Variants in RNF152 observed in about 807,000 individuals in gnomAD.
The protein encoded by RNF152 is ring finger protein 152, also known as E3 ubiquitin-protein ligase RNF152.
RNF152 carries 11 observed loss-of-function variants against 12.7 expected under a neutral mutation model. The observed-to-expected ratio is 0.86, with a 90% confidence interval of 0.54 to 1.43. The LOEUF (loss-of-function observed/expected upper bound fraction) is 1.43, where lower values mean the gene tolerates loss of function less well. Among genes scored for constraint, RNF152 ranks in the 40% most tolerant of loss-of-function variants. The pLI is 0.00. For synonymous variants in RNF152, 113 were observed against 120.3 expected, an observed-to-expected ratio of 0.94 and a Z score of 0.40; for missense variants, 255 against 274.8, an observed-to-expected ratio of 0.93 and a Z score of 0.51.
chr18:61,869,404 A>G (rs1911884632), intron 1 of RNF152, among the ~76,000 whole-genome samples: 1 of 152,182 alleles, frequency 6.6e-6, no homozygotes, highest in Non-Finnish European at 1.5e-5. Context: ...CCATGGAGGT[A>G]TTGTCTCCTG....
At position 61,811,492 on chromosome 18, in the gene RNF152, T is replaced by TA. The variant is rs1434903545; in HGVS notation, c.*4359dup. The TA allele has an allele frequency of 3.3e-5, 5 of 152,326 alleles. No individual in the cohort carries two copies. The highest frequency in any genetic ancestry group is 7.3e-5 in the Non-Finnish European group (5 of 68,028). The allele number at this position is 152,326 out of a possible 1,614,324, so 9.4% of individuals were successfully genotyped here. A position where few individuals can be genotyped will look rare whatever the true frequency, so the allele number is the denominator to read the frequency against. Reference sequence around the variant, plus strand: ...TTCAGGGATAACTGAAATTTTTGCTTAAAAAAGAAAGACACTAAAACAATG... The same window carrying TA: ...TTCAGGGATAACTGAAATTTTTGCTTAAAAAAAGAAAGACACTAAAACAATG... On this transcript the variant is annotated 3_prime_UTR_variant, in exon 2 of 2. Coordinates refer to ENST00000312828, the MANE Select transcript of RNF152 (RefSeq NM_173557.3).
intron 1 of RNF152, among the ~76,000 whole-genome samples, chr18:61,847,727 T>C (rs1910798674): frequency 6.6e-6 from 1 of 152,130 alleles, no homozygotes; most frequent in African/African-American, 2.4e-5. Flanking sequence ...ATTTCCAAAA[T>C]GGAATTCCCG....
chr18:61,819,298 C>T (rs142416345), intron 1 of RNF152, among the ~76,000 whole-genome samples: 1,566 of 152,330 alleles, frequency 0.01, 14 homozygotes, highest in Middle Eastern at 0.02. Context: ...CTTAGTCAGG[C>T]ACAGGCCAGA....
chr18:61,812,474 A>G lies in RNF152; in HGVS notation c.*3378T>C, dbSNP rs1461657879. 2 of 152,218 alleles carry G rather than the reference A, an allele frequency of 1.3e-5. No individual in the cohort carries two copies. Among genetic ancestry groups the G allele is most frequent in the Non-Finnish European group, 2.9e-5 (2 of 68,028 alleles). 9.4% of individuals were successfully genotyped at this position (152,218 alleles called of 1,614,324 possible). A position where few individuals can be genotyped will look rare whatever the true frequency, so the allele number is the denominator to read the frequency against. On this transcript the variant is annotated 3_prime_UTR_variant, in exon 2 of 2. Transcript: ENST00000312828. ...GAAAACATCTTAGAGCTTTCTGATC[A>G]TTAAGTATGACTGGAACCAAAAACC...
At chr18:61,875,409 G>T (rs74853036) in intron 1 of RNF152, among the ~76,000 whole-genome samples, 4,862 of 152,254 alleles carry the variant, frequency 0.032, 268 homozygotes, top group African/African-American at 0.11. Flanking sequence ...TTAATTGTCA[G>T]TGCATGCAAG....
In RNF152 at chr18:61,816,389, G is replaced by A; in HGVS notation, c.75C>T (p.Pro25=). 1 of 1,614,134 alleles carries A rather than the reference G, an allele frequency of 6.2e-7. No homozygotes were observed. Among genetic ancestry groups the A allele is most frequent in the Non-Finnish European group, 8.5e-7 (1 of 1,180,014 alleles). The change falls in exon 2 of 2, where the codon CCC becomes CCT. Residue 25 remains proline, a synonymous_variant. Coordinates refer to ENST00000312828, the MANE Select transcript of RNF152 (RefSeq NM_173557.3). ...AGGTGTGCTTGCAGTCCAGCAACTT[G>A]GGCCTGCGCCGGGGGCTGTAGTAAT... The part of the protein sequence containing the change: ...CFNYYSPRRR[P]KLLDCKHTCC...
chr18:61,885,337 T>A (rs187117814), intron 1 of RNF152, among the ~76,000 whole-genome samples: 35 of 137,258 alleles, frequency 2.5e-4, no homozygotes, highest in African/African-American at 9.5e-4. Flanking sequence ...AGACAGAGCC[T>A]CGGTCTTTTG....
At chr18:61,877,793 T>C (rs1261438605) in intron 1 of RNF152, among the ~76,000 whole-genome samples, 2 of 152,230 alleles carry the variant, frequency 1.3e-5, no homozygotes, top group Non-Finnish European at 2.9e-5. Context: ...TTTTACTCAC[T>C]ACCAGGAATA....
chr18:61,873,037 T>G (rs1480510713), intron 1 of RNF152, among the ~76,000 whole-genome samples: 1 of 152,208 alleles, frequency 6.6e-6, no homozygotes, highest in East Asian at 1.9e-4. Context: ...AACATATGAA[T>G]GCTTCTACGT....
chr18:61,870,046 C>T (rs1911917146), intron 1 of RNF152, among the ~76,000 whole-genome samples: 1 of 152,222 alleles, frequency 6.6e-6, no homozygotes, highest in South Asian at 2.1e-4. Flanking sequence ...CACCATATAA[C>T]TTGTTATACC....
At chr18:61,880,824 AT>A (rs2144756592) in intron 1 of RNF152, among the ~76,000 whole-genome samples, 1 of 152,262 alleles carries the variant, frequency 6.6e-6, no homozygotes, top group African/African-American at 2.4e-5. Flanking sequence ...AATTTTGAAA[AT>A]ACCATACACC....
At chr18:61,854,595 G>A (rs1204654497) in intron 1 of RNF152, among the ~76,000 whole-genome samples, 1 of 152,160 alleles carries the variant, frequency 6.6e-6, no homozygotes, top group Non-Finnish European at 1.5e-5. Context: ...GCCTCAATTA[G>A]TCATCTTTTG....
At chr18:61,844,548 T>C (rs992370794) in intron 1 of RNF152, among the ~76,000 whole-genome samples, 1 of 152,226 alleles carries the variant, frequency 6.6e-6, no homozygotes, top group South Asian at 2.1e-4. Flanking sequence ...TTATTGTTTG[T>C]GTGTAAGAAA....
chr18:61,845,549 A>G (rs1437826596), intron 1 of RNF152, among the ~76,000 whole-genome samples: 7 of 152,248 alleles, frequency 4.6e-5, no homozygotes, highest in Non-Finnish European at 5.9e-5. Flanking sequence ...TGCTTCCCTT[A>G]AAGCAGGTTT....
In RNF152 at chr18:61,830,416, G is replaced by A. The variant is rs148538384; in HGVS notation, c.-135-13818C>T. On this transcript the variant is annotated intron_variant, in intron 1 of 1. Transcript: ENST00000312828. ...CTCCTGCCCCCAGCCCCTGCTAACC[G>A]GTCACCTTTCTGGCACTATGAATTT... Among the ~76,000 whole-genome samples the A allele has an allele frequency of 9.2e-4, 140 of 152,100 alleles. 2 individuals are homozygous for A. Among genetic ancestry groups the A allele is most frequent in the African/African-American group, 2.9e-3 (119 of 41,494 alleles).
intron 1 of RNF152, among the ~76,000 whole-genome samples, chr18:61,865,043 GAAAAACAA>G (rs1415966359): frequency 6.6e-6 from 1 of 152,056 alleles, no homozygotes; most frequent in Non-Finnish European, 1.5e-5. Context: ...AGTTTATGAT[GAAAAACAA>G]AAGATATTCC....
chr18:61,851,392 G>A (rs532868185), intron 1 of RNF152, among the ~76,000 whole-genome samples: 9 of 152,244 alleles, frequency 5.9e-5, no homozygotes, highest in African/African-American at 9.6e-5. Flanking sequence ...GAGGGAGGAC[G>A]GAAAAGAGGA....
chr18:61,815,599 T>C lies in RNF152; in HGVS notation c.*253A>G. On this transcript the variant is annotated 3_prime_UTR_variant, in exon 2 of 2. Transcript: ENST00000312828. ...AAATCATAAATTACAGTCCATTGAA[T>C]ACATGATTATGAGGATGCATGCAAT... 2.0e-6 allele frequency: 1 copy of C among 490,740 alleles called. No individual in the cohort carries two copies. Among genetic ancestry groups the C allele is most frequent in the Non-Finnish European group, 3.7e-6 (1 of 273,774 alleles). The allele number at this position is 490,740 out of a possible 1,614,324, so 30.4% of individuals were successfully genotyped here. A position where few individuals can be genotyped will look rare whatever the true frequency, so the allele number is the denominator to read the frequency against.
chr18:61,881,546 G>T (rs1433058167), intron 1 of RNF152, among the ~76,000 whole-genome samples: 3 of 152,172 alleles, frequency 2.0e-5, no homozygotes, highest in Admixed American at 2.0e-4. Context: ...GGTAACAGAA[G>T]CTAATACTGT....
Sources: gnomAD v4.1 joint callset for allele counts (sites outside exome capture counted in the v4.1 genomes callset) on GRCh38, gnomAD v4.1.1 for gene constraint, MANE v1.5 for transcripts, NCBI Gene and HGNC (gene_info 2026-07-23, HGNC 2026-07-21) for gene names.